Variants in CADM2 observed in about 807,000 individuals in gnomAD.
CADM2 encodes immunoglobulin superfamily member 4D.
CADM2 carries 12 observed loss-of-function variants against 49.8 expected under a neutral mutation model. That is an observed-to-expected ratio of 0.24 (90% CI 0.15 to 0.39). CADM2 has a LOEUF of 0.39. CADM2 is among the 10% of genes least tolerant of loss of function. The probability of loss-of-function intolerance (pLI) is 1.00; values close to 1 mark genes in which losing one functional copy is unlikely to be tolerated. For missense variants in CADM2, 378 were observed against 492.3 expected (o/e 0.77, Z 2.20); for synonymous variants, 214 against 175.4 (o/e 1.22, Z -1.74).
At chr3:85,417,640 T>TGCTATTTATA (rs1241317338) in intron 1 of CADM2, among the ~76,000 whole-genome samples, 2 of 152,162 alleles carry the variant, frequency 1.3e-5, no homozygotes, top group Non-Finnish European at 2.9e-5. Flanking sequence ...ACCAGGCAGG[T>TGCTATTTATA]GCTATTTATA....
chr3:85,560,730 G>T (rs1435764149), intron 1 of CADM2, among the ~76,000 whole-genome samples: 2 of 152,170 alleles, frequency 1.3e-5, no homozygotes, highest in South Asian at 4.1e-4. Context: ...CCAAATTGCT[G>T]TGGTTTTGTT....
At chr3:86,007,942 AC>A (rs1023793693) in intron 8 of CADM2, among the ~76,000 whole-genome samples, 110 of 152,300 alleles carry the variant, frequency 7.2e-4, no homozygotes, top group African/African-American at 2.6e-3. Context: ...TTAATCTCAA[AC>A]AGATCAAAAT....
At chr3:85,319,552 A>G (rs2044549501) in intron 1 of CADM2, among the ~76,000 whole-genome samples, 1 of 152,260 alleles carries the variant, frequency 6.6e-6, no homozygotes, top group Non-Finnish European at 1.5e-5. Context: ...CTAAATGCCC[A>G]TCAATGGCAG....
chr3:85,887,150 C>T (rs983566194), intron 5 of CADM2, among the ~76,000 whole-genome samples: 10 of 151,978 alleles, frequency 6.6e-5, no homozygotes, highest in East Asian at 1.9e-4. Flanking sequence ...TGCAGTGATA[C>T]GATCATAGCT....
intron 1 of CADM2, among the ~76,000 whole-genome samples, chr3:85,100,324 G>C (rs1021858593): frequency 6.6e-6 from 1 of 152,004 alleles, no homozygotes; most frequent in African/African-American, 2.4e-5. Context: ...AGTAACACAG[G>C]GCAGAACATG....
chr3:86,014,875 T>A, intron 8 of CADM2: 2 of 1,542,338 alleles, frequency 1.3e-6, no homozygotes, highest in African/African-American at 1.4e-5. Flanking sequence ...GTGTATGCAT[T>A]GATGAAGGTC....
At chr3:84,984,682 G>A (rs1032007996) in intron 1 of CADM2, among the ~76,000 whole-genome samples, 10 of 151,628 alleles carry the variant, frequency 6.6e-5, no homozygotes. Context: ...ACTAATTAAA[G>A]AACAAACTAT....
rs1334617354 is a variant in CADM2 at position 85,749,430 on chromosome 3, AT to A, written c.88+22888del. On this transcript the variant is annotated intron_variant, in intron 2 of 9. Transcript: ENST00000383699. ...TATCTTTACTTTCACAGCATAACCC[AT>A]TTTTTCCTACTTATCATTACATTAT... Among the ~76,000 whole-genome samples the A allele has an allele frequency of 4.6e-5, 7 of 152,032 alleles. No homozygotes were observed. The East Asian group carries it at 5.8e-4, about 13-fold the overall frequency.
Position 86,071,113 on chromosome 3 carries a change from G to A in CADM2, c.*4330G>A, listed in dbSNP as rs1321126432. Reference sequence around the variant, plus strand: ...ATTTTTATTTGGATTAGTTTTTGGTGTTATTGCAGAGAAAGAAATAACCTG... The same window carrying A: ...ATTTTTATTTGGATTAGTTTTTGGTATTATTGCAGAGAAAGAAATAACCTG... On this transcript the variant is annotated 3_prime_UTR_variant, in exon 10 of 10. Transcript: ENST00000383699. 1 of 151,816 alleles carries A rather than the reference G, an allele frequency of 6.6e-6. No homozygotes were observed. The highest frequency in any genetic ancestry group is 6.6e-5 in the Admixed American group (1 of 15,240). 9.4% of individuals were successfully genotyped at this position (151,816 alleles called of 1,614,324 possible). A position where few individuals can be genotyped will look rare whatever the true frequency, so the allele number is the denominator to read the frequency against.
intron 3 of CADM2, among the ~76,000 whole-genome samples, chr3:85,813,191 C>T (rs1263225561): frequency 6.6e-6 from 1 of 152,178 alleles, no homozygotes; most frequent in African/African-American, 2.4e-5. Flanking sequence ...TCCTATTTCT[C>T]CACATCCTCT....
intron 1 of CADM2, among the ~76,000 whole-genome samples, chr3:85,021,218 T>G (rs540844280): frequency 6.6e-6 from 1 of 152,142 alleles, no homozygotes; most frequent in Non-Finnish European, 1.5e-5. Flanking sequence ...TAGTCCAAAT[T>G]TTGTCGTTTT....
chr3:85,327,869 C>T (rs142496317), intron 1 of CADM2, among the ~76,000 whole-genome samples: 1 of 152,224 alleles, frequency 6.6e-6, no homozygotes, highest in African/African-American at 2.4e-5. Context: ...TTTGAAGCCT[C>T]ATGACTGCTA....
chr3:85,818,647 A>G (rs920905106), intron 3 of CADM2, among the ~76,000 whole-genome samples: 3 of 152,176 alleles, frequency 2.0e-5, no homozygotes, highest in African/African-American at 7.2e-5. Context: ...AGCCCTAGCT[A>G]TTATCTTTTA....
chr3:85,009,241 A>T (rs1014959742), intron 1 of CADM2, among the ~76,000 whole-genome samples: 1 of 152,230 alleles, frequency 6.6e-6, no homozygotes, highest in Non-Finnish European at 1.5e-5. Context: ...CAGAGACATT[A>T]AAGATAGAAG....
intron 1 of CADM2, among the ~76,000 whole-genome samples, chr3:85,301,532 T>G (rs1420619850): frequency 1.3e-5 from 2 of 152,034 alleles, no homozygotes; most frequent in Non-Finnish European, 2.9e-5. Flanking sequence ...AAGAAAAAAA[T>G]AATTCATCAG....
intron 1 of CADM2, among the ~76,000 whole-genome samples, chr3:85,279,977 G>A (rs1351187422): frequency 6.6e-6 from 1 of 151,620 alleles, no homozygotes; most frequent in African/African-American, 2.4e-5. Context: ...TTCCTATTCT[G>A]TAGGTGGCCT....
chr3:85,981,122 A>G (rs1236539078), intron 8 of CADM2, among the ~76,000 whole-genome samples: 2 of 151,386 alleles, frequency 1.3e-5, no homozygotes, highest in East Asian at 3.9e-4. Context: ...TTTTGAAAAA[A>G]AAATCCATAG....
chr3:85,950,420 A>G (rs938150920), intron 7 of CADM2, among the ~76,000 whole-genome samples: 3 of 151,204 alleles, frequency 2.0e-5, no homozygotes, highest in African/African-American at 4.8e-5. Context: ...TTTTCTAAGG[A>G]TAATCTTTTA....
At chr3:86,015,761 T>A (rs938567430) in intron 8 of CADM2, among the ~76,000 whole-genome samples, 15 of 152,202 alleles carry the variant, frequency 9.9e-5, no homozygotes, top group Non-Finnish European at 2.9e-5. Flanking sequence ...CCTAAGCTTT[T>A]TAGCCGGTAT....
Sources: allele counts gnomAD v4.1 joint callset (sites outside exome capture counted in the v4.1 genomes callset), GRCh38; gene constraint gnomAD v4.1.1; transcripts MANE v1.5; gene names NCBI Gene and HGNC (gene_info 2026-07-23, HGNC 2026-07-21).